The following NFATC1 variants were observed in gnomAD, a reference collection of about 807,000 sequenced individuals.
NFATC1 encodes nuclear factor of activated T-cells, cytoplasmic 1.
NFATC1 carries 22 observed loss-of-function variants against 76.0 expected under a neutral mutation model. That is an observed-to-expected ratio of 0.29 (90% CI 0.21 to 0.41). The LOEUF is 0.41. Among genes scored for constraint, NFATC1 ranks in the 10% least tolerant of loss-of-function variants. NFATC1 has a pLI of 1.00. For missense variants in NFATC1, 1,357 were observed against 1,337.7 expected, an observed-to-expected ratio of 1.01 and a Z score of -0.23; for synonymous variants, 704 against 613.1, an observed-to-expected ratio of 1.15 and a Z score of -2.19.
chr18:79,443,318 G>A (rs914479834), intron 3 of NFATC1, among the ~76,000 whole-genome samples: 10 of 152,110 alleles, frequency 6.6e-5, no homozygotes, highest in South Asian at 2.1e-4. Context: ...CACTTGCCTC[G>A]GGCCCCCACA....
intron 9 of NFATC1, among the ~76,000 whole-genome samples, chr18:79,525,886 C>T (rs1418455536): frequency 2.0e-5 from 3 of 152,246 alleles, no homozygotes; most frequent in Non-Finnish European, 2.9e-5. Flanking sequence ...GCTGAACCAG[C>T]GCAGTGGGAA....
chr18:79,436,616 G>A (rs902901419), intron 3 of NFATC1, among the ~76,000 whole-genome samples: 1 of 152,258 alleles, frequency 6.6e-6, no homozygotes, highest in Non-Finnish European at 1.5e-5. Flanking sequence ...AAGCACGTGA[G>A]CAGAACGCAG....
intron 9 of NFATC1, among the ~76,000 whole-genome samples, chr18:79,513,195 C>T (rs1014075824): frequency 3.3e-5 from 5 of 152,248 alleles, no homozygotes; most frequent in African/African-American, 4.8e-5. Context: ...AGCTGATGCC[C>T]GCGGGTGGAC....
intron 8 of NFATC1, among the ~76,000 whole-genome samples, chr18:79,473,804 A>G (rs1187899051): frequency 3.6e-5 from 5 of 139,166 alleles, no homozygotes; most frequent in African/African-American, 8.3e-5. Flanking sequence ...GCGTGTTCTC[A>G]CGCTCACTGT....
intron 8 of NFATC1, chr18:79,470,724 C>G (rs554865486): frequency 2.0e-4 from 30 of 152,458 alleles, no homozygotes; most frequent in Admixed American, 1.9e-3. Context: ...AGTCCGCAGC[C>G]CCTGTCCCGG....
In NFATC1 at chr18:79,467,601, C is replaced by T; in HGVS notation, c.2092+19C>T. The T allele has an allele frequency of 6.2e-7, 1 of 1,613,544 alleles. No individual in the cohort carries two copies. The highest frequency in any genetic ancestry group is 8.5e-7 in the Non-Finnish European group (1 of 1,179,748). ...GCCAACGGTAACGCCATCTTTCTAA[C>T]CGTAAGCCGTGAACATGAGCGCGTG... is the stretch of plus-strand genomic sequence containing the variant. On this transcript the variant is annotated intron_variant, in intron 8 of 9. Coordinates refer to ENST00000427363, the MANE Select transcript of NFATC1 (RefSeq NM_001278669.2).
intron 8 of NFATC1, among the ~76,000 whole-genome samples, chr18:79,471,105 G>C (rs1415335194): frequency 6.6e-6 from 1 of 152,208 alleles, no homozygotes; most frequent in African/African-American, 2.4e-5. Context: ...GAGGCTTCCT[G>C]AGCGGCTTGT....
At chr18:79,416,803 G>A (rs1399005236) in intron 2 of NFATC1, among the ~76,000 whole-genome samples, 1 of 152,170 alleles carries the variant, frequency 6.6e-6, no homozygotes, top group African/African-American at 2.4e-5. Flanking sequence ...TCTGGTTCCC[G>A]CTAACCCTTG....
chr18:79,432,859 T>C (rs2086647486), intron 2 of NFATC1, among the ~76,000 whole-genome samples: 9 of 151,076 alleles, frequency 6.0e-5, no homozygotes, highest in Admixed American at 5.9e-4. Flanking sequence ...ATTCATCTCC[T>C]GAAAAGACAG....
intron 4 of NFATC1, 64 bp from the exon 5 acceptor site, chr18:79,450,890 G>T: frequency 1.9e-6 from 3 of 1,559,160 alleles, no homozygotes; most frequent in Admixed American, 1.8e-5. Flanking sequence ...GGTCTGGGGG[G>T]CCAGGCCTTT....
chr18:79,488,245 C>T (rs2089571040), intron 9 of NFATC1, among the ~76,000 whole-genome samples: 3 of 146,834 alleles, frequency 2.0e-5, no homozygotes, highest in African/African-American at 8.2e-5. Flanking sequence ...GAGCCCACAG[C>T]CCTGGTGTGT....
chr18:79,400,012 G>T (rs924691437), intron 1 of NFATC1, among the ~76,000 whole-genome samples: 8 of 151,972 alleles, frequency 5.3e-5, no homozygotes, highest in African/African-American at 1.7e-4. Flanking sequence ...CCTGGGCGCA[G>T]CCTTAGGTAC....
intron 2 of NFATC1, among the ~76,000 whole-genome samples, chr18:79,413,893 C>T (rs936128587): frequency 6.6e-6 from 1 of 152,144 alleles, no homozygotes; most frequent in Non-Finnish European, 1.5e-5. Context: ...GCCCACGTGA[C>T]CCTGTTAGCT....
chr18:79,481,701 C>T (rs1410580043), intron 8 of NFATC1, among the ~76,000 whole-genome samples: 4 of 152,242 alleles, frequency 2.6e-5, no homozygotes, highest in Admixed American at 6.5e-5. Flanking sequence ...CAGGCTTGAG[C>T]GTTGTCTTCA....
At chr18:79,474,722 G>A (rs1160809367) in intron 8 of NFATC1, among the ~76,000 whole-genome samples, 7 of 142,322 alleles carry the variant, frequency 4.9e-5, no homozygotes, top group Admixed American at 1.4e-4. Flanking sequence ...GTGTTCTCAC[G>A]CTCACTGTCG....
intron 9 of NFATC1, among the ~76,000 whole-genome samples, chr18:79,510,241 C>T (rs146971717): frequency 2.0e-5 from 3 of 152,088 alleles, no homozygotes; most frequent in Non-Finnish European, 2.9e-5. Flanking sequence ...GTCATGCCCC[C>T]GTGCGGAAAC....
chr18:79,423,699 G>A (rs1040784797), intron 2 of NFATC1, among the ~76,000 whole-genome samples: 1 of 152,204 alleles, frequency 6.6e-6, no homozygotes, highest in African/African-American at 2.4e-5. Context: ...CGGGCTGGGT[G>A]TCCCCATCTT....
chr18:79,404,327 C>T (rs1430516421), intron 1 of NFATC1, among the ~76,000 whole-genome samples: 1 of 152,182 alleles, frequency 6.6e-6, no homozygotes, highest in Non-Finnish European at 1.5e-5. Flanking sequence ...AAATCTTTCT[C>T]GCTGGCAGAT....
At chr18:79,469,733 C>T (rs1451001119) in intron 8 of NFATC1, 1 of 985,844 alleles carries the variant, frequency 1.0e-6, no homozygotes, top group East Asian at 1.1e-4. Flanking sequence ...CCTCTCTTTG[C>T]CTCCGTCGTC....
Sources: allele counts gnomAD v4.1 joint callset (sites outside exome capture counted in the v4.1 genomes callset), GRCh38; gene constraint gnomAD v4.1.1; transcripts MANE v1.5; gene names NCBI Gene and HGNC (gene_info 2026-07-23, HGNC 2026-07-21).